Variants in SYPL1 observed in about 807,000 individuals in gnomAD.
The protein encoded by SYPL1 is synaptophysin like 1, also known as synaptophysin-like protein 1.
In SYPL1, 6 loss-of-function variants were observed where a neutral mutation model predicts 23.7. The observed-to-expected ratio is 0.25, with a 90% CI of 0.14 to 0.50. The LOEUF is 0.50. SYPL1 is among the 20% of genes least tolerant of loss of function. SYPL1 has a pLI of 0.98. For synonymous variants in SYPL1, 102 were observed against 104.5 expected (o/e 0.98, Z 0.15); for missense variants, 253 against 288.9 (o/e 0.88, Z 0.90).
At position 106,090,946 on chromosome 7, in the gene SYPL1, G is replaced by C. The variant is rs1321157614; in HGVS notation, c.*859C>G. On this transcript the variant is annotated 3_prime_UTR_variant, in exon 5 of 5. Transcript: ENST00000455385. ...GCAATCTTAATTTTTTTAACCCTTT[G>C]ACTAGGGTCTGTAAAAAACGGTGGA... 1 of 152,114 alleles carries C rather than the reference G, an allele frequency of 6.6e-6. No individual in the cohort carries two copies. The highest frequency in any genetic ancestry group is 1.9e-4 in the East Asian group (1 of 5,194). 9.4% of individuals were successfully genotyped at this position (152,114 alleles called of 1,614,324 possible). A position where few individuals can be genotyped will look rare whatever the true frequency, so the allele number is the denominator to read the frequency against.
chr7:106,096,007 G>C lies in SYPL1; in HGVS notation c.402+1683C>G, dbSNP rs1359639810. ...GATAGATTTAGTAAAAAAATTTGTT[G>C]GGATGACAAAATGGCAAGAAATAGC... On this transcript the variant is annotated intron_variant, in intron 3 of 4. Coordinates refer to ENST00000455385, the MANE Select transcript of SYPL1 (RefSeq NM_182715.4). This position sits in a 1 kb window ranked among gnomAD's most constrained non-coding sequence, Gnocchi z 4.4. 6.6e-6 allele frequency among the ~76,000 whole-genome samples: 1 copy of C among 151,980 alleles called. No individual in the cohort carries two copies. The highest frequency in any genetic ancestry group is 1.5e-5 in the Non-Finnish European group (1 of 67,984).
intron 1 of SYPL1, among the ~76,000 whole-genome samples, chr7:106,108,539 C>T (rs185271581): frequency 4.7e-4 from 71 of 152,160 alleles, no homozygotes; most frequent in Middle Eastern, 3.4e-3. Context: ...TGATGGGACC[C>T]CCAAACCACC....
chr7:106,099,856 A>G (rs1163312214), intron 1 of SYPL1, among the ~76,000 whole-genome samples: 4 of 152,216 alleles, frequency 2.6e-5, no homozygotes, highest in African/African-American at 4.8e-5. Context: ...AGAAATTCTT[A>G]AACACAAACT....
At chr7:106,098,054 T>G (rs558371005) in intron 2 of SYPL1, among the ~76,000 whole-genome samples, 157 bp from the exon 3 acceptor site, 1 of 152,350 alleles carries the variant, frequency 6.6e-6, no homozygotes, top group African/African-American at 2.4e-5. Context: ...TTAAGTAAAC[T>G]GAAATTTTCA....
At chr7:106,102,877 A>C (rs912829785) in intron 1 of SYPL1, among the ~76,000 whole-genome samples, 2 of 152,240 alleles carry the variant, frequency 1.3e-5, no homozygotes, top group African/African-American at 4.8e-5. Flanking sequence ...AAAAAATGTG[A>C]AGACAATATA....
chr7:106,111,312 C>G (rs558333943), intron 1 of SYPL1, among the ~76,000 whole-genome samples: 89 of 152,348 alleles, frequency 5.8e-4, no homozygotes, highest in Non-Finnish European at 1.1e-3. Context: ...ACACAACTTG[C>G]CTGCAGAAAT....
chr7:106,092,600 G>T, intron 4 of SYPL1: 1 of 344,270 alleles, frequency 2.9e-6, no homozygotes, highest in Non-Finnish European at 5.6e-6. Flanking sequence ...TTGAACCCAG[G>T]AGGCGGAGGT....
chr7:106,112,558 G>C (rs754420564), upstream of SYPL1: 8 of 1,494,474 alleles, frequency 5.4e-6, no homozygotes, highest in East Asian at 2.4e-4. Flanking sequence ...CCTTCCCTGC[G>C]GTTCAGCCCC....
At position 106,112,284 on chromosome 7, in the gene SYPL1, T is replaced by C. The variant is rs996463254; in HGVS notation, c.-76A>G. On this transcript the variant is annotated 5_prime_UTR_variant, in exon 1 of 5. Coordinates refer to ENST00000455385, the MANE Select transcript of SYPL1 (RefSeq NM_182715.4). ...GACCGACGAGACCAGAGCAGCCCGG[T>C]GGCGAGGAAGGGCAGGCGGGGCTGG... The C allele has an allele frequency of 8.6e-5, 118 of 1,376,236 alleles. No individual in the cohort carries two copies. The highest frequency in any genetic ancestry group is 1.1e-4 in the Non-Finnish European group (111 of 1,048,202). 85.3% of individuals were successfully genotyped at this position (1,376,236 alleles called of 1,614,324 possible).
intron 3 of SYPL1, 103 bp from the exon 4 acceptor site, chr7:106,093,240 T>C: frequency 3.7e-6 from 4 of 1,094,902 alleles, no homozygotes; most frequent in South Asian, 1.9e-5. Flanking sequence ...CTTATGGTGC[T>C]GAGAAATGGC....
At position 106,112,249 on chromosome 7, in the gene SYPL1, C is replaced by G. The variant is rs760619388; in HGVS notation, c.-41G>C. The G allele has an allele frequency of 1.3e-6, 2 of 1,508,612 alleles. No homozygotes were observed. The highest frequency in any genetic ancestry group is 2.9e-5 in the African/African-American group (2 of 69,930). 93.5% of individuals were successfully genotyped at this position (1,508,612 alleles called of 1,614,324 possible). On this transcript the variant is annotated 5_prime_UTR_variant, in exon 1 of 5. Transcript: ENST00000455385. ...GGGAGAGAGAGTCAGGACGACGGGG[C>G]GGAGGAGGGGACCGACGAGACCAGA...
chr7:106,094,061 TG>T (rs1225350366), intron 3 of SYPL1, among the ~76,000 whole-genome samples: 2 of 152,206 alleles, frequency 1.3e-5, no homozygotes, highest in African/African-American at 4.8e-5. Context: ...TTGTATCTTT[TG>T]GATGCTATAT....
chr7:106,108,618 T>C (rs1840741589), intron 1 of SYPL1, among the ~76,000 whole-genome samples: 1 of 152,198 alleles, frequency 6.6e-6, no homozygotes, highest in African/African-American at 2.4e-5. Context: ...GTCCAGGTCT[T>C]GAGAGGCTAT....
At chr7:106,101,136 C>T (rs748874954) in intron 1 of SYPL1, among the ~76,000 whole-genome samples, 2 of 152,098 alleles carry the variant, frequency 1.3e-5, no homozygotes, top group Non-Finnish European at 2.9e-5. Flanking sequence ...AGCACTCCTA[C>T]CCCGCACTAC....
intron 3 of SYPL1, among the ~76,000 whole-genome samples, chr7:106,094,557 G>A (rs997947933): frequency 1.3e-5 from 2 of 152,322 alleles, no homozygotes; most frequent in Admixed American, 6.5e-5. Context: ...TTTCTGCACT[G>A]TGGAAGTACT....
Position 106,112,229 on chromosome 7 carries a change from A to G in SYPL1, c.-21T>C. 2 of 1,531,316 alleles carry G rather than the reference A, an allele frequency of 1.3e-6. No homozygotes were observed. Among genetic ancestry groups the G allele is most frequent in the Non-Finnish European group, 1.8e-6 (2 of 1,130,618 alleles). The allele number at this position is 1,531,316 out of a possible 1,614,324, so 94.9% of individuals were successfully genotyped here. On this transcript the variant is annotated 5_prime_UTR_variant, in exon 1 of 5. Transcript: ENST00000455385. Reference sequence around the variant, plus strand: ...GACATCCTCTGAGGAAAGGAGGGAGAGAGAGTCAGGACGACGGGGCGGAGG... The same window carrying G: ...GACATCCTCTGAGGAAAGGAGGGAGGGAGAGTCAGGACGACGGGGCGGAGG...
chr7:106,092,680 A>AAG, intron 4 of SYPL1: 2 of 491,006 alleles, frequency 4.1e-6, no homozygotes, highest in Non-Finnish European at 7.6e-6. Context: ...CTCAAAAAAA[A>AAG]AAAAAAAAAA....
In SYPL1 at chr7:106,105,461, G is replaced by A. The variant is rs551514285; in HGVS notation, c.70-6179C>T. 4.0e-5 allele frequency among the ~76,000 whole-genome samples: 6 copies of A among 149,478 alleles called. No individual in the cohort carries two copies. In the East Asian group the frequency reaches 1.2e-3, roughly 29 times the overall value. ...CAGAAAAGTTACATGTTCACATACA[G>A]CCCCAAGTATCCAGAGAAACAGTCC... On this transcript the variant is annotated intron_variant, in intron 1 of 4. Transcript: ENST00000455385.
At chr7:106,093,461 C>T (rs2116070236) in intron 3 of SYPL1, among the ~76,000 whole-genome samples, 1 of 152,280 alleles carries the variant, frequency 6.6e-6, no homozygotes, top group East Asian at 1.9e-4. Flanking sequence ...TAGACCTTGT[C>T]ATCACCAATA....
Sources: gnomAD v4.1 joint callset for allele counts (sites outside exome capture counted in the v4.1 genomes callset) on GRCh38, gnomAD v4.1.1 for gene constraint, Gnocchi (gnomAD v3.1) non-coding constraint, MANE v1.5 for transcripts, NCBI Gene and HGNC (gene_info 2026-07-23, HGNC 2026-07-21) for gene names.